Variants in MNAT1 observed in about 807,000 individuals in gnomAD.
MNAT1 encodes MNAT1 component of CDK activating kinase.
MNAT1 carries 43 observed loss-of-function variants against 42.0 expected under a neutral mutation model. The ratio of observed to expected loss-of-function variants is 1.02; its 90% CI spans 0.80 to 1.32. The LOEUF (loss-of-function observed/expected upper bound fraction) is 1.32. MNAT1 is among the 40% of genes most tolerant of loss of function. The pLI, the probability that MNAT1 is intolerant of heterozygous loss-of-function variation, is 0.00. For synonymous variants in MNAT1, 118 were observed against 120.0 expected, an observed-to-expected ratio of 0.98 and a Z score of 0.11; for missense variants, 306 against 350.4, an observed-to-expected ratio of 0.87 and a Z score of 1.01.
At chr14:60,883,965 TG>T (rs1311018209) in intron 7 of MNAT1, among the ~76,000 whole-genome samples, 2 of 151,654 alleles carry the variant, frequency 1.3e-5, no homozygotes, top group Non-Finnish European at 2.9e-5. Context: ...ATAGTTTTTT[TG>T]TGAAGTCTTT....
intron 6 of MNAT1, among the ~76,000 whole-genome samples, chr14:60,826,724 G>T (rs576974523): frequency 2.6e-5 from 4 of 151,966 alleles, no homozygotes; most frequent in Non-Finnish European, 4.4e-5. Flanking sequence ...TAGTTATTTT[G>T]ATCTATTTGG....
intron 6 of MNAT1, among the ~76,000 whole-genome samples, chr14:60,825,572 T>G (rs1180917418): frequency 6.6e-6 from 1 of 152,210 alleles, no homozygotes; most frequent in African/African-American, 2.4e-5. Context: ...TTTTTTATAA[T>G]AAGTATTACT....
chr14:60,778,243 G>T (rs1017330716), intron 1 of MNAT1, among the ~76,000 whole-genome samples: 1 of 152,142 alleles, frequency 6.6e-6, no homozygotes, highest in South Asian at 2.1e-4. Flanking sequence ...AGGGGTGTAT[G>T]AGACTCAGAT....
intron 6 of MNAT1, among the ~76,000 whole-genome samples, chr14:60,841,628 T>G (rs140245067): frequency 1.3e-5 from 2 of 152,028 alleles, no homozygotes; most frequent in African/African-American, 4.8e-5. Flanking sequence ...CTGCTTCTAT[T>G]GACTGATTTT....
At chr14:60,879,600 T>C (rs2034503874) in intron 6 of MNAT1, 114 bp from the exon 7 acceptor site, 1 of 1,025,046 alleles carries the variant, frequency 9.8e-7, no homozygotes, top group Non-Finnish European at 1.4e-6. Context: ...ACAGCACAAC[T>C]AATGGCTAAT....
intron 6 of MNAT1, 154 bp downstream of exon 6, chr14:60,819,001 T>C (rs1222685052): frequency 3.9e-6 from 3 of 759,968 alleles, no homozygotes; most frequent in Non-Finnish European, 5.9e-6. Context: ...ATGGGTGCAG[T>C]ATGAGGAAAG....
intron 7 of MNAT1, among the ~76,000 whole-genome samples, chr14:60,935,072 G>A (rs2035965672): frequency 6.6e-6 from 1 of 152,122 alleles, no homozygotes; most frequent in Non-Finnish European, 1.5e-5. Flanking sequence ...TTTTAGAGAG[G>A]CTTTAAATGA....
intron 1 of MNAT1, among the ~76,000 whole-genome samples, chr14:60,772,891 GT>G (rs565854381): frequency 0.029 from 4,135 of 142,486 alleles, 65 homozygotes; most frequent in Non-Finnish European, 0.041. Flanking sequence ...AAGAGCTGCT[GT>G]TTTTTTTTTT....
intron 1 of MNAT1, among the ~76,000 whole-genome samples, chr14:60,779,034 A>G (rs1179783785): frequency 1.3e-5 from 2 of 152,148 alleles, no homozygotes; most frequent in East Asian, 3.9e-4. Context: ...AACAGACACA[A>G]TGAGAGTTCC....
chr14:60,754,628 C>T (rs944013129), intron 1 of MNAT1, among the ~76,000 whole-genome samples: 2 of 152,058 alleles, frequency 1.3e-5, no homozygotes, highest in Non-Finnish European at 2.9e-5. Context: ...GGATTATAGG[C>T]GTGAGCCACC....
At chr14:60,838,311 TG>T (rs2033452820) in intron 6 of MNAT1, among the ~76,000 whole-genome samples, 2 of 151,852 alleles carry the variant, frequency 1.3e-5, no homozygotes, top group African/African-American at 4.8e-5. Context: ...AATTTTTTTT[TG>T]TTTTTAGGAG....
At chr14:60,946,737 A>T (rs1238119840) in intron 7 of MNAT1, among the ~76,000 whole-genome samples, 1 of 152,114 alleles carries the variant, frequency 6.6e-6, no homozygotes, top group Non-Finnish European at 1.5e-5. Flanking sequence ...CAGGCCACAT[A>T]CCTTTCCTGA....
intron 7 of MNAT1, 65 bp downstream of exon 7, chr14:60,879,900 G>T (rs1334203220): frequency 3.3e-6 from 5 of 1,528,526 alleles, no homozygotes; most frequent in Non-Finnish European, 4.4e-6. Context: ...GTTCTTAACT[G>T]ACATGTTAAC....
At chr14:60,770,307 T>C (rs1260658148) in intron 1 of MNAT1, among the ~76,000 whole-genome samples, 1 of 152,160 alleles carries the variant, frequency 6.6e-6, no homozygotes, top group African/African-American at 2.4e-5. Context: ...ATATATATAG[T>C]ATCCTTATCT....
rs115123619 is a variant in MNAT1 at position 60,857,204 on chromosome 14, A to T, written c.688-22510A>T. ...TCTGATCACTCAAGAGCTCTGACAG[A>T]TGTACGAGGAGATGAAGGTTGTTTT... On this transcript the variant is annotated intron_variant, in intron 6 of 7. Transcript: ENST00000261245. Among the ~76,000 whole-genome samples the T allele has an allele frequency of 8.1e-3, 1,238 of 152,344 alleles. 9 individuals carry two copies. The highest frequency in any genetic ancestry group is 0.029 in the African/African-American group (1,196 of 41,586).
intron 6 of MNAT1, among the ~76,000 whole-genome samples, chr14:60,872,270 A>C (rs1226944802): frequency 1.3e-5 from 2 of 152,176 alleles, no homozygotes; most frequent in Non-Finnish European, 2.9e-5. Context: ...AAGGAAGGAC[A>C]CAAAGCCATT....
intron 7 of MNAT1, among the ~76,000 whole-genome samples, chr14:60,882,982 T>C (rs2034583849): frequency 6.6e-6 from 1 of 152,222 alleles, no homozygotes; most frequent in Admixed American, 6.6e-5. Flanking sequence ...TTCTGGTTAA[T>C]AATGCCTTGT....
chr14:60,928,130 T>C (rs936446249), intron 7 of MNAT1, among the ~76,000 whole-genome samples: 2 of 152,168 alleles, frequency 1.3e-5, no homozygotes, highest in African/African-American at 4.8e-5. Flanking sequence ...CATAAGTATG[T>C]GGTTTTTGTG....
chr14:60,834,268 T>G (rs969689589), intron 6 of MNAT1, among the ~76,000 whole-genome samples: 5 of 152,216 alleles, frequency 3.3e-5, no homozygotes, highest in African/African-American at 9.6e-5. Flanking sequence ...GATGTTAGTG[T>G]GTCGATTTTA....
Sources: gnomAD v4.1 joint callset for allele counts (sites outside exome capture counted in the v4.1 genomes callset) on GRCh38, gnomAD v4.1.1 for gene constraint, MANE v1.5 for transcripts, NCBI Gene and HGNC (gene_info 2026-07-23, HGNC 2026-07-21) for gene names.